The following RGL1 variants were observed in gnomAD, a reference collection of about 807,000 sequenced individuals.
The protein encoded by RGL1 is ral guanine nucleotide dissociation stimulator like 1.
Under a neutral mutation model 95.2 loss-of-function variants are expected in RGL1, and 24 were observed. The ratio of observed to expected loss-of-function variants is 0.25; its 90% confidence interval spans 0.18 to 0.35. The LOEUF is 0.35. Ranked by LOEUF, RGL1 falls within the 10% of genes least tolerant of loss-of-function variation. RGL1 has a pLI of 1.00. For missense variants in RGL1, 715 were observed against 936.3 expected, an observed-to-expected ratio of 0.76 and a Z score of 3.08; for synonymous variants, 329 against 344.9, an observed-to-expected ratio of 0.95 and a Z score of 0.51.
At position 183,806,500 on chromosome 1, in the gene RGL1, C is replaced by A. The variant is rs1020653365; in HGVS notation, c.138+15C>A. 4 of 1,562,274 alleles carry A rather than the reference C, an allele frequency of 2.6e-6. No homozygotes were observed. The highest frequency in any genetic ancestry group is 3.5e-6 in the Non-Finnish European group (4 of 1,134,042). ...GATGGCTAGGGGTGAGTAAAGCTGG[C>A]GAGATGGTGAACTTTGGAATTTCAG... On this transcript the variant is annotated intron_variant, in intron 2 of 17. Transcript: ENST00000360851.
At chr1:183,730,374 G>T (rs1262276263) in intron 1 of RGL1, among the ~76,000 whole-genome samples, 1 of 152,100 alleles carries the variant, frequency 6.6e-6, no homozygotes, top group East Asian at 1.9e-4. Context: ...TGCTAACATG[G>T]TGTGTTTCGG....
At chr1:183,767,717 C>A (rs910194260) in intron 2 of RGL1, among the ~76,000 whole-genome samples, 47 of 152,264 alleles carry the variant, frequency 3.1e-4, no homozygotes, top group African/African-American at 1.1e-3. Flanking sequence ...CTTTGTGAGG[C>A]CGAGGTGGGC....
chr1:183,689,412 G>A (rs1653809597), intron 1 of RGL1, among the ~76,000 whole-genome samples: 2 of 152,162 alleles, frequency 1.3e-5, no homozygotes, highest in African/African-American at 4.8e-5. Context: ...TCCTGGATGT[G>A]TTTCCCATCC....
chr1:183,788,559 C>T (rs989309174), intron 2 of RGL1, among the ~76,000 whole-genome samples: 3 of 152,190 alleles, frequency 2.0e-5, no homozygotes, highest in African/African-American at 7.2e-5. Context: ...ATCACACCTC[C>T]CTTACTTTAG....
chr1:183,736,424 G>A (rs1428174342), intron 1 of RGL1, among the ~76,000 whole-genome samples: 3 of 152,184 alleles, frequency 2.0e-5, no homozygotes, highest in Non-Finnish European at 4.4e-5. Flanking sequence ...AGGTGAAATG[G>A]CTTGCTTAAT....
At chr1:183,811,198 G>A (rs985364876) in intron 2 of RGL1, among the ~76,000 whole-genome samples, 1 of 152,122 alleles carries the variant, frequency 6.6e-6, no homozygotes, top group Non-Finnish European at 1.5e-5. Context: ...ACAAAGCAGG[G>A]CACAAAGGTA....
chr1:183,850,665 A>G (rs996589223), intron 3 of RGL1, among the ~76,000 whole-genome samples: 2 of 152,214 alleles, frequency 1.3e-5, no homozygotes, highest in South Asian at 2.1e-4. Context: ...GGCCTGGAAT[A>G]TAAACTTGGA....
intron 2 of RGL1, among the ~76,000 whole-genome samples, chr1:183,823,433 A>G (rs889179005): frequency 6.6e-6 from 1 of 152,248 alleles, no homozygotes; most frequent in African/African-American, 2.4e-5. Flanking sequence ...TGTATTAGCT[A>G]TAACTTTCAG....
At chr1:183,820,486 A>T (rs1047599943) in intron 2 of RGL1, among the ~76,000 whole-genome samples, 2 of 152,124 alleles carry the variant, frequency 1.3e-5, no homozygotes, top group African/African-American at 2.4e-5. Flanking sequence ...CCCTGATAGC[A>T]CCATATGAGA....
At chr1:183,744,264 A>G (rs1313982782) in intron 2 of RGL1, among the ~76,000 whole-genome samples, 4 of 152,188 alleles carry the variant, frequency 2.6e-5, no homozygotes, top group Non-Finnish European at 5.9e-5. Flanking sequence ...TGTAAAATCC[A>G]GCAGAAGCAA....
intron 9 of RGL1, among the ~76,000 whole-genome samples, chr1:183,894,560 AT>A (rs577220536): frequency 3.9e-4 from 58 of 149,200 alleles, no homozygotes; most frequent in Admixed American, 6.7e-4. Flanking sequence ...TTGTCAGCAC[AT>A]TTTTTTTTTA....
At chr1:183,838,363 C>A (rs1663809491) in intron 2 of RGL1, among the ~76,000 whole-genome samples, 1 of 152,026 alleles carries the variant, frequency 6.6e-6, no homozygotes. Flanking sequence ...TCTAGGAAAC[C>A]CTACTGAGAC....
intron 1 of RGL1, among the ~76,000 whole-genome samples, chr1:183,687,787 A>G (rs924541920): frequency 1.3e-5 from 2 of 152,216 alleles, no homozygotes; most frequent in Non-Finnish European, 2.9e-5. Flanking sequence ...GAGGAACTCG[A>G]TACCGGGCCA....
chr1:183,649,528 C>A (rs1245629614), intron 1 of RGL1, among the ~76,000 whole-genome samples: 1 of 152,056 alleles, frequency 6.6e-6, no homozygotes, highest in African/African-American at 2.4e-5. Flanking sequence ...CATGGGATCT[C>A]TTTTGCTTAA....
chr1:183,836,003 A>G (rs763386441), intron 2 of RGL1, among the ~76,000 whole-genome samples: 12 of 152,288 alleles, frequency 7.9e-5, no homozygotes, highest in Middle Eastern at 3.4e-3. Context: ...TTTAATGCCT[A>G]TGCTAATTGG....
chr1:183,872,478 C>G (rs1666238132), intron 4 of RGL1, among the ~76,000 whole-genome samples: 1 of 152,162 alleles, frequency 6.6e-6, no homozygotes, highest in African/African-American at 2.4e-5. Flanking sequence ...TTTGTTTTCT[C>G]AAACTCTCTA....
intron 1 of RGL1, chr1:183,648,045 G>A (rs12041951): frequency 6.2e-7 from 1 of 1,614,188 alleles, no homozygotes; most frequent in East Asian, 2.2e-5. Context: ...ATTCCTTTTT[G>A]TCTGGAGAAG....
upstream of RGL1, among the ~76,000 whole-genome samples, chr1:183,801,323 T>G (rs537769087): frequency 6.6e-6 from 1 of 152,216 alleles, no homozygotes; most frequent in African/African-American, 2.4e-5. Context: ...TCTATTCGGG[T>G]GTTTTGCCCA....
At chr1:183,793,037 T>C (rs533854143) in intron 2 of RGL1, among the ~76,000 whole-genome samples, 16 of 152,264 alleles carry the variant, frequency 1.1e-4, no homozygotes, top group African/African-American at 3.8e-4. Context: ...GACTTTGAAA[T>C]ATACTACAAA....
Sources: gnomAD v4.1 joint callset for allele counts (sites outside exome capture counted in the v4.1 genomes callset) on GRCh38, gnomAD v4.1.1 for gene constraint, MANE v1.5 for transcripts, NCBI Gene and HGNC (gene_info 2026-07-23, HGNC 2026-07-21) for gene names.